Variants in NOSTRIN observed in about 807,000 individuals in gnomAD.
NOSTRIN encodes BM247 homolog.
A neutral mutation model predicts 59.0 loss-of-function variants in NOSTRIN; 63 were observed. The ratio of observed to expected loss-of-function variants is 1.07; its 90% CI spans 0.87 to 1.32. The LOEUF is 1.32. NOSTRIN is among the 40% of genes most tolerant of loss of function. NOSTRIN has a pLI of 0.00. For missense variants in NOSTRIN, 512 were observed against 473.1 expected (o/e 1.08, Z -0.76); for synonymous variants, 200 against 165.4 (o/e 1.21, Z -1.61).
At chr2:168,819,702 A>G (rs1294347934) in intron 2 of NOSTRIN, among the ~76,000 whole-genome samples, 3 of 152,192 alleles carry the variant, frequency 2.0e-5, no homozygotes, top group Non-Finnish European at 4.4e-5. Flanking sequence ...GCAAGAGTAG[A>G]TGATTGCAGC....
chr2:168,837,560 C>G (rs553601714), intron 7 of NOSTRIN, among the ~76,000 whole-genome samples: 2 of 152,124 alleles, frequency 1.3e-5, no homozygotes, highest in South Asian at 4.2e-4. Context: ...CCGCCCGCCT[C>G]GGCCTCCCAA....
chr2:168,836,920 C>G (rs936182984), intron 7 of NOSTRIN, among the ~76,000 whole-genome samples: 1 of 152,194 alleles, frequency 6.6e-6, no homozygotes, highest in Non-Finnish European at 1.5e-5. Context: ...GTTCAGGCTG[C>G]TATAACCAAG....
At chr2:168,824,229 C>T (rs1686926592) in intron 2 of NOSTRIN, among the ~76,000 whole-genome samples, 1 of 152,148 alleles carries the variant, frequency 6.6e-6, no homozygotes, top group South Asian at 2.1e-4. Flanking sequence ...CTGATCTCTC[C>T]TTCTTGCATA....
chr2:168,863,680 T>C (rs1032706782), intron 15 of NOSTRIN: 8 of 977,556 alleles, frequency 8.2e-6, no homozygotes, highest in Non-Finnish European at 9.7e-6. Flanking sequence ...GTGAGTGAGT[T>C]AAACTTTTGG....
At chr2:168,843,245 C>T (rs2105719732) in intron 8 of NOSTRIN, 128 bp downstream of exon 8, 4 of 567,630 alleles carry the variant, frequency 7.0e-6, no homozygotes, top group Non-Finnish European at 9.4e-6. Flanking sequence ...ATTGTGACTT[C>T]AGACAAACCA....
intron 13 of NOSTRIN, 46 bp from the exon 14 acceptor site, chr2:168,860,749 A>G: frequency 1.7e-6 from 2 of 1,154,772 alleles, no homozygotes; most frequent in Non-Finnish European, 2.6e-6. Context: ...ATGAATGTTT[A>G]TGATAATCGT....
At chr2:168,794,210 C>A (rs1685425585), upstream of NOSTRIN, among the ~76,000 whole-genome samples, 1 of 152,082 alleles carries the variant, frequency 6.6e-6, no homozygotes, top group Non-Finnish European at 1.5e-5. Context: ...GATGAATACA[C>A]ATGAATGAAT....
chr2:168,824,540 C>T (rs1686945257), intron 2 of NOSTRIN, 94 bp from the exon 3 acceptor site: 1 of 705,298 alleles, frequency 1.4e-6, no homozygotes. Flanking sequence ...CTCAAGTGAT[C>T]TGCCTGCCTT....
intron 8 of NOSTRIN, among the ~76,000 whole-genome samples, chr2:168,844,185 G>T (rs1295749339): frequency 6.6e-6 from 1 of 152,152 alleles, no homozygotes; most frequent in Non-Finnish European, 1.5e-5. Flanking sequence ...TATACATGGG[G>T]ACTGTCCCTG....
chr2:168,831,344 C>G, intron 5 of NOSTRIN, 128 bp from the exon 6 acceptor site: 2 of 616,550 alleles, frequency 3.2e-6, no homozygotes, highest in Admixed American at 4.8e-5. Flanking sequence ...GAGCCTCCAC[C>G]TCCAAATACC....
chr2:168,832,350 A>T (rs982942959), intron 6 of NOSTRIN, among the ~76,000 whole-genome samples: 1 of 152,236 alleles, frequency 6.6e-6, no homozygotes. Flanking sequence ...ACAATGTAGT[A>T]TAGGAGGAAT....
upstream of NOSTRIN, among the ~76,000 whole-genome samples, chr2:168,797,639 T>C (rs1346416479): frequency 6.6e-6 from 1 of 151,752 alleles, no homozygotes; most frequent in Non-Finnish European, 1.5e-5. Context: ...GTCAGTTCTT[T>C]TTTTAAAATT....
chr2:168,850,787 T>C, intron 8 of NOSTRIN: 2 of 750,624 alleles, frequency 2.7e-6, no homozygotes, highest in South Asian at 3.3e-5. Context: ...CATGATTGTG[T>C]CTCAAATGCT....
Position 168,854,275 on chromosome 2 carries a change from C to A in NOSTRIN, c.856-1077C>A, listed in dbSNP as rs915499852. Among the ~76,000 whole-genome samples the A allele has an allele frequency of 7.9e-5, 12 of 152,184 alleles. 1 individual carries two copies. Among genetic ancestry groups the A allele is most frequent in the Admixed American group, 5.9e-4 (9 of 15,280 alleles). ...CTATTCCCTTTGCTCTAAATCCTCA[C>A]ACTTCTTGTTTGTGAAGCTCCATCT... is the stretch of plus-strand genomic sequence containing the variant. On this transcript the variant is annotated intron_variant, in intron 10 of 15. Transcript: ENST00000317647.
At chr2:168,858,692 A>G (rs1040399958) in intron 12 of NOSTRIN, among the ~76,000 whole-genome samples, 1 of 152,218 alleles carries the variant, frequency 6.6e-6, no homozygotes, top group Non-Finnish European at 1.5e-5. Flanking sequence ...GGATTCCTCC[A>G]ACGATTAGAG....
intron 8 of NOSTRIN, among the ~76,000 whole-genome samples, chr2:168,848,333 T>TG (rs1000066338): frequency 7.3e-4 from 111 of 152,368 alleles, no homozygotes; most frequent in African/African-American, 2.7e-3. Flanking sequence ...CTCAGGGGAC[T>TG]GCCAGCGTAA....
chr2:168,814,531 T>C (rs1686303188), intron 2 of NOSTRIN, among the ~76,000 whole-genome samples: 1 of 152,206 alleles, frequency 6.6e-6, no homozygotes. Context: ...CCATTACTCT[T>C]CAAAAGAAAC....
upstream of NOSTRIN, among the ~76,000 whole-genome samples, chr2:168,795,231 G>A (rs1685449547): frequency 6.6e-6 from 1 of 152,016 alleles, no homozygotes; most frequent in African/African-American, 2.4e-5. Flanking sequence ...AATGTGCCCT[G>A]GAGACTAAAA....
Position 168,865,066 on chromosome 2 carries a change from T to C in NOSTRIN, c.*96T>C. On this transcript the variant is annotated 3_prime_UTR_variant, in exon 16 of 16. Transcript: ENST00000317647. ...GTGCTCTTACCTTTACATGTTTTTC[T>C]TTTGAAATGGATGGAGTTCTACCTG... 1 of 1,349,966 alleles carries C rather than the reference T, an allele frequency of 7.4e-7. No homozygotes were observed. The allele number at this position is 1,349,966 out of a possible 1,614,324, so 83.6% of individuals were successfully genotyped here.
Sources: allele counts gnomAD v4.1 joint callset (sites outside exome capture counted in the v4.1 genomes callset), GRCh38; gene constraint gnomAD v4.1.1; transcripts MANE v1.5; gene names NCBI Gene and HGNC (gene_info 2026-07-23, HGNC 2026-07-21).